ANO2: variants seen among roughly 807,000 people sequenced by gnomAD.
The protein encoded by ANO2 is anoctamin-2.
ANO2 carries 101 observed loss-of-function variants against 124.2 expected under a neutral mutation model. The ratio of observed to expected loss-of-function variants is 0.81; its 90% CI spans 0.69 to 0.96. ANO2 has a LOEUF of 0.96. Ranked by LOEUF, ANO2 falls within the 40% of genes least tolerant of loss-of-function variation. ANO2 has a pLI of 0.00. For missense variants in ANO2, 1,293 were observed against 1,274.5 expected, an observed-to-expected ratio of 1.01 and a Z score of -0.22; for synonymous variants, 486 against 482.5, an observed-to-expected ratio of 1.01 and a Z score of -0.09.
rs539676220 is a variant in ANO2, at chr12:5,694,712, A to C, written c.1545+37808T>G. Among the ~76,000 whole-genome samples the C allele has an allele frequency of 1.8e-4, 28 of 152,266 alleles. 1 individual carries two copies. In the South Asian group the frequency reaches 5.8e-3, roughly 32 times the overall value. On this transcript the variant is annotated intron_variant, in intron 14 of 24. Coordinates refer to ENST00000682330, the MANE Select transcript of ANO2 (RefSeq NM_001364791.2). ...CTGGAAGTTTGCAGTGGAGCAAAGG[A>C]GTAGGTTTCTGGTTTTCTTTGTTTT...
At chr12:5,583,980 C>A (rs1423958756) in intron 20 of ANO2, 1 of 239,444 alleles carries the variant, frequency 4.2e-6, no homozygotes, top group East Asian at 1.0e-4. Context: ...TGAAAGTGAC[C>A]CCCAGAATGA....
chr12:5,563,116 C>T lies in ANO2; in HGVS notation c.*183G>A. On this transcript the variant is annotated 3_prime_UTR_variant, in exon 25 of 25. Coordinates refer to ENST00000682330, the MANE Select transcript of ANO2 (RefSeq NM_001364791.2). ...GCTTGAAGTTTCTGAGATGTAGCAT[C>T]ATTTCTCTTCCTTCCTACACTCATT... is the stretch of plus-strand genomic sequence containing the variant. 1.2e-6 allele frequency: 1 copy of T among 832,142 alleles called. No homozygotes were observed. The highest frequency in any genetic ancestry group is 2.7e-5 in the East Asian group (1 of 37,002). The allele number at this position is 832,142 out of a possible 1,614,324, so 51.5% of individuals were successfully genotyped here.
At chr12:5,767,562 C>T (rs561050335) in intron 10 of ANO2, among the ~76,000 whole-genome samples, 1 of 152,322 alleles carries the variant, frequency 6.6e-6, no homozygotes, top group African/African-American at 2.4e-5. Flanking sequence ...ATGCTTTATA[C>T]ACAGTATCTC....
At chr12:5,630,563 G>A (rs1021390860) in intron 16 of ANO2, among the ~76,000 whole-genome samples, 1 of 152,174 alleles carries the variant, frequency 6.6e-6, no homozygotes, top group African/African-American at 2.4e-5. Context: ...AGACAGAGTT[G>A]AAATAAGGAA....
intron 20 of ANO2, among the ~76,000 whole-genome samples, chr12:5,590,912 C>G (rs995462333): frequency 1.3e-5 from 2 of 152,144 alleles, no homozygotes; most frequent in Non-Finnish European, 1.5e-5. Flanking sequence ...AGCGGCCGAG[C>G]GTGGTGGCTC....
chr12:5,806,146 T>G, intron 8 of ANO2, 53 bp from the exon 9 acceptor site: 1 of 1,548,290 alleles, frequency 6.5e-7, no homozygotes, highest in South Asian at 1.2e-5. Context: ...CAGAAGCAGG[T>G]GCCAAAGGAG....
intron 19 of ANO2, among the ~76,000 whole-genome samples, chr12:5,610,860 A>ACACAC (rs1565472315): frequency 2.7e-4 from 28 of 103,310 alleles, no homozygotes; most frequent in South Asian, 1.2e-3. Context: ...ACACACACAC[A>ACACAC]ACCCTAAGGG....
chr12:5,700,640 T>C (rs1311204926), intron 14 of ANO2, among the ~76,000 whole-genome samples: 1 of 152,068 alleles, frequency 6.6e-6, no homozygotes, highest in East Asian at 1.9e-4. Flanking sequence ...CAAAAAGCAA[T>C]GAATCCAGGA....
chr12:5,855,047 A>C (rs1955057612), intron 3 of ANO2, among the ~76,000 whole-genome samples: 1 of 152,202 alleles, frequency 6.6e-6, no homozygotes, highest in African/African-American at 2.4e-5. Flanking sequence ...AGTAGGAAAA[A>C]CTGGCAGAAG....
At position 5,585,768 on chromosome 12, in the gene ANO2, A is replaced by G. The variant is rs185588521; in HGVS notation, c.2234-7250T>C. ...GTGCGTGAGTTCGAAGGGCAATGAAACCAGTCATGATTGGAATGAAGTTCC... is the reference window on the plus strand; with the variant it reads ...GTGCGTGAGTTCGAAGGGCAATGAAGCCAGTCATGATTGGAATGAAGTTCC... On this transcript the variant is annotated intron_variant, in intron 20 of 24. Coordinates refer to ENST00000682330, the MANE Select transcript of ANO2 (RefSeq NM_001364791.2). Among the ~76,000 whole-genome samples the G allele has an allele frequency of 2.6e-5, 4 of 152,238 alleles. No homozygotes were observed. In the East Asian group the frequency reaches 7.7e-4, roughly 29 times the overall value.
chr12:5,823,098 G>C (rs1160258133), intron 7 of ANO2, among the ~76,000 whole-genome samples: 4 of 152,150 alleles, frequency 2.6e-5, no homozygotes, highest in African/African-American at 9.7e-5. Context: ...AGATTTGCAG[G>C]GGGACACAGC....
chr12:5,924,115 GC>G (rs1294257676), intron 1 of ANO2, among the ~76,000 whole-genome samples: 1 of 152,182 alleles, frequency 6.6e-6, no homozygotes, highest in Admixed American at 6.5e-5. Context: ...CTCCAACTCA[GC>G]CCTAAGCACC....
intron 15 of ANO2, among the ~76,000 whole-genome samples, chr12:5,639,225 C>A (rs1558780): frequency 5.9e-5 from 9 of 152,158 alleles, no homozygotes; most frequent in Non-Finnish European, 1.2e-4. Flanking sequence ...CAGCATGGCA[C>A]ACGATAGTAG....
At chr12:5,830,246 C>T (rs892298222) in intron 6 of ANO2, among the ~76,000 whole-genome samples, 189 bp downstream of exon 6, 1 of 152,090 alleles carries the variant, frequency 6.6e-6, no homozygotes, top group Non-Finnish European at 1.5e-5. Context: ...TCTTAAACCA[C>T]GAGTGAGGGC....
intron 14 of ANO2, among the ~76,000 whole-genome samples, chr12:5,676,361 CCT>C (rs1299201528): frequency 1.3e-5 from 2 of 152,262 alleles, no homozygotes; most frequent in Admixed American, 6.5e-5. Context: ...AAAAGATGCC[CCT>C]CTGTTTGGTT....
intron 4 of ANO2, among the ~76,000 whole-genome samples, chr12:5,833,472 G>C (rs1222253224): frequency 6.6e-6 from 1 of 152,128 alleles, no homozygotes; most frequent in Non-Finnish European, 1.5e-5. Context: ...ATCTGCATTG[G>C]ATCTGTGGAT....
intron 14 of ANO2, among the ~76,000 whole-genome samples, chr12:5,708,302 T>C (rs1179769901): frequency 6.6e-6 from 1 of 152,204 alleles, no homozygotes. Context: ...CAGAACATTT[T>C]ACAATGCAAA....
intron 10 of ANO2, among the ~76,000 whole-genome samples, chr12:5,778,938 T>C (rs1219157063): frequency 6.6e-6 from 1 of 152,218 alleles, no homozygotes; most frequent in East Asian, 1.9e-4. Flanking sequence ...TCTGATTTAT[T>C]TTTTGGTTCC....
chr12:5,731,118 G>C (rs1295649830), intron 14 of ANO2, among the ~76,000 whole-genome samples: 3 of 152,228 alleles, frequency 2.0e-5, no homozygotes, highest in African/African-American at 7.2e-5. Context: ...AGTTACATGT[G>C]ATTTCCATAA....
Sources: gnomAD v4.1 joint callset for allele counts (sites outside exome capture counted in the v4.1 genomes callset) on GRCh38, gnomAD v4.1.1 for gene constraint, MANE v1.5 for transcripts, NCBI Gene and HGNC (gene_info 2026-07-23, HGNC 2026-07-21) for gene names.